CRLS1: variants seen among roughly 807,000 people sequenced by gnomAD.
The protein encoded by CRLS1 is cardiolipin synthase (CMP-forming).
A neutral mutation model predicts 37.0 loss-of-function variants in CRLS1; 24 were observed. The ratio of observed to expected loss-of-function variants is 0.65; its 90% CI spans 0.47 to 0.91. CRLS1 has a LOEUF of 0.91. CRLS1 is among the 40% of genes least tolerant of loss of function. The pLI is 0.00. For missense variants in CRLS1, 373 were observed against 395.8 expected (o/e 0.94, Z 0.49); for synonymous variants, 135 against 159.7 (o/e 0.85, Z 1.17).
chr20:6,032,311 A>G (rs1980224486), intron 5 of CRLS1, among the ~76,000 whole-genome samples: 2 of 150,976 alleles, frequency 1.3e-5, no homozygotes, highest in African/African-American at 4.9e-5. Context: ...TAAGCTCTGA[A>G]TGAGGTAATC....
chr20:6,019,035 A>C (rs184730341), intron 3 of CRLS1, among the ~76,000 whole-genome samples: 2 of 152,210 alleles, frequency 1.3e-5, no homozygotes, highest in Admixed American at 6.5e-5. Flanking sequence ...CAAATTTATA[A>C]CTAGCCTCAT....
rs138734417 is a variant in CRLS1 at position 6,030,587 on chromosome 20, G to A, written c.575-698G>A. On this transcript the variant is annotated intron_variant, in intron 3 of 6. Coordinates refer to ENST00000378863, the MANE Select transcript of CRLS1 (RefSeq NM_019095.6). ...AAATACAAAAATTAGGCATGGTGGC[G>A]TGCATCTGTGCTCCCAGCTACTTGG... Among the ~76,000 whole-genome samples the A allele has an allele frequency of 8.6e-3, 1,303 of 151,356 alleles. 16 individuals are homozygous for A. The highest frequency in any genetic ancestry group is 0.03 in the African/African-American group (1,231 of 40,872).
chr20:6,014,430 G>A (rs183837312), intron 2 of CRLS1, among the ~76,000 whole-genome samples: 33 of 152,254 alleles, frequency 2.2e-4, no homozygotes, highest in Admixed American at 1.6e-3. Context: ...GATTAATTGC[G>A]TCTAAATTAA....
At chr20:6,034,292 G>A (rs962039156) in intron 5 of CRLS1, among the ~76,000 whole-genome samples, 172 bp from the exon 6 acceptor site, 2 of 152,204 alleles carry the variant, frequency 1.3e-5, no homozygotes, top group Non-Finnish European at 2.9e-5. Context: ...TGACCCTTTT[G>A]TGTGTGCTCA....
At chr20:6,025,026 A>G (rs1979565668) in intron 3 of CRLS1, among the ~76,000 whole-genome samples, 1 of 152,250 alleles carries the variant, frequency 6.6e-6, no homozygotes. Flanking sequence ...AAGATGAAGC[A>G]GCAGGCACTA....
chr20:6,010,004 TTGGG>T, intron 2 of CRLS1, 92 bp downstream of exon 2: 1 of 1,263,826 alleles, frequency 7.9e-7, no homozygotes, highest in Non-Finnish European at 1.1e-6. Flanking sequence ...CTGCTTTTCC[TTGGG>T]AGGAAAACCT....
intron 3 of CRLS1, among the ~76,000 whole-genome samples, chr20:6,022,527 T>C (rs1979361825): frequency 1.3e-5 from 2 of 151,910 alleles, no homozygotes; most frequent in Non-Finnish European, 2.9e-5. Context: ...TTTTTAGAGA[T>C]GGAGTTTTGC....
upstream of CRLS1, chr20:6,006,102 G>T (rs1490658997): frequency 4.9e-6 from 2 of 406,692 alleles, no homozygotes; most frequent in East Asian, 8.0e-5. Context: ...TATAAGTGGA[G>T]TGTGCTGGGG....
intron 3 of CRLS1, among the ~76,000 whole-genome samples, chr20:6,018,960 A>G (rs1358498293): frequency 6.6e-6 from 1 of 152,200 alleles, no homozygotes; most frequent in Non-Finnish European, 1.5e-5. Context: ...TTTGTGGAAG[A>G]TTTCAAATTT....
chr20:6,011,572 C>CTTT (rs559511975), intron 2 of CRLS1, among the ~76,000 whole-genome samples: 623 of 27,840 alleles, frequency 0.022, 78 homozygotes, highest in Middle Eastern at 0.05. Flanking sequence ...TTTGTCCCTG[C>CTTT]TTTTTTTTTT....
At chr20:6,033,938 A>G (rs1980369835) in intron 5 of CRLS1, among the ~76,000 whole-genome samples, 1 of 152,176 alleles carries the variant, frequency 6.6e-6, no homozygotes, top group African/African-American at 2.4e-5. Context: ...GAACCACTGC[A>G]TCTGTCCTGA....
intron 6 of CRLS1, 123 bp downstream of exon 6, chr20:6,034,678 T>C: frequency 1.5e-6 from 1 of 684,762 alleles, no homozygotes; most frequent in East Asian, 2.6e-5. Context: ...GTGGCTATAT[T>C]TGGTGATTGA....
chr20:6,015,592 T>C lies in CRLS1; in HGVS notation c.574+102T>C, dbSNP rs368529813. 4.4e-4 allele frequency: 530 copies of C among 1,196,890 alleles called. 5 individuals are homozygous for C. The South Asian group carries it at 6.1e-3, about 14-fold the overall frequency. The allele number at this position is 1,196,890 out of a possible 1,614,324, so 74.1% of individuals were successfully genotyped here. A position where few individuals can be genotyped will look rare whatever the true frequency, so the allele number is the denominator to read the frequency against. Reference sequence around the variant, plus strand: ...ACAAATAATTTTTGTTCCAAAAATATAGTTTTCAACTTTAAACTGTTTCCC... The same window carrying C: ...ACAAATAATTTTTGTTCCAAAAATACAGTTTTCAACTTTAAACTGTTTCCC... On this transcript the variant is annotated intron_variant, in intron 3 of 6. Transcript: ENST00000378863.
At chr20:6,006,600 C>G (rs998782495) in intron 1 of CRLS1, 48 bp downstream of exon 1, 16 of 1,243,626 alleles carry the variant, frequency 1.3e-5, no homozygotes, top group Non-Finnish European at 1.5e-5. Flanking sequence ...CTGGGGTCGC[C>G]GCCCCTGCAC....
intron 3 of CRLS1, chr20:6,031,035 C>T (rs1348370367): frequency 2.3e-5 from 8 of 352,986 alleles, no homozygotes; most frequent in Non-Finnish European, 4.1e-5. Context: ...GATCAGCATA[C>T]TGAAAGGCAG....
chr20:6,006,220 G>C lies in CRLS1; in HGVS notation c.-27G>C. 1.7e-6 allele frequency: 2 copies of C among 1,208,306 alleles called. No homozygotes were observed. Among genetic ancestry groups the C allele is most frequent in the Non-Finnish European group, 2.1e-6 (2 of 969,978 alleles). 74.8% of individuals were successfully genotyped at this position (1,208,306 alleles called of 1,614,324 possible). ...CCAGGCTGCTGAGCTCTCGCCGCCC[G>C]AGACCCCGCGGCGCGGCCGCAGGGC... On this transcript the variant is annotated 5_prime_UTR_variant, in exon 1 of 7. Coordinates refer to ENST00000378863, the MANE Select transcript of CRLS1 (RefSeq NM_019095.6).
rs528808592 is a variant in CRLS1, at chr20:6,006,160, G to A, written c.-87G>A. 2.9e-6 allele frequency: 2 copies of A among 700,138 alleles called. No homozygotes were observed. The highest frequency in any genetic ancestry group is 3.9e-6 in the Non-Finnish European group (2 of 509,414). The allele number at this position is 700,138 out of a possible 1,614,324, so 43.4% of individuals were successfully genotyped here. A position where few individuals can be genotyped will look rare whatever the true frequency, so the allele number is the denominator to read the frequency against. ...GCGGTAGCCCAGTGTCTGAGTGGTTGCCGGGTCTCCATGGAGAAGCGGCTC... is the reference window on the plus strand; with the variant it reads ...GCGGTAGCCCAGTGTCTGAGTGGTTACCGGGTCTCCATGGAGAAGCGGCTC... On this transcript the variant is annotated 5_prime_UTR_variant, in exon 1 of 7. Coordinates refer to ENST00000378863, the MANE Select transcript of CRLS1 (RefSeq NM_019095.6).
chr20:6,025,607 G>A (rs185826242), intron 3 of CRLS1, among the ~76,000 whole-genome samples: 7 of 152,296 alleles, frequency 4.6e-5, no homozygotes, highest in East Asian at 1.9e-4. Flanking sequence ...TATAGGTGAC[G>A]TAGATAGTGT....
intron 3 of CRLS1, among the ~76,000 whole-genome samples, chr20:6,030,268 G>T (rs1025813508): frequency 6.6e-6 from 1 of 152,086 alleles, no homozygotes; most frequent in African/African-American, 2.4e-5. Context: ...GGAAATAGGG[G>T]TTCCTTGGGT....
Sources: gnomAD v4.1 joint callset for allele counts (sites outside exome capture counted in the v4.1 genomes callset) on GRCh38, gnomAD v4.1.1 for gene constraint, MANE v1.5 for transcripts, NCBI Gene and HGNC (gene_info 2026-07-23, HGNC 2026-07-21) for gene names.